The following ZDHHC8 variants were observed in gnomAD, a reference collection of about 807,000 sequenced individuals.
ZDHHC8 encodes zDHHC palmitoyltransferase 8, also known as palmitoyltransferase ZDHHC8.
In ZDHHC8, 24 loss-of-function variants were observed where a neutral mutation model predicts 61.2. The observed-to-expected ratio is 0.39, with a 90% confidence interval of 0.28 to 0.55. The LOEUF (loss-of-function observed/expected upper bound fraction) is 0.55, where lower values mean the gene tolerates loss of function less well. ZDHHC8 is among the 20% of genes least tolerant of loss of function. The probability of loss-of-function intolerance (pLI) is 0.60; values close to 1 mark genes in which losing one functional copy is unlikely to be tolerated. For synonymous variants in ZDHHC8, 523 were observed against 492.5 expected (o/e 1.06, Z -0.82); for missense variants, 935 against 1,102.1 (o/e 0.85, Z 2.15).
intron 9 of ZDHHC8, 94 bp downstream of exon 9, chr22:20,141,624 C>T (rs1602573115): frequency 1.9e-6 from 2 of 1,029,840 alleles, no homozygotes; most frequent in East Asian, 5.2e-5. Context: ...AAGGCCCCAC[C>T]TCCAGAGCCC....
chr22:20,142,938 G>A lies in ZDHHC8; in HGVS notation c.1308G>A (p.Lys436=), dbSNP rs2050483959. The A allele has an allele frequency of 6.2e-7, 1 of 1,603,610 alleles. No individual in the cohort carries two copies. Among genetic ancestry groups the A allele is most frequent in the Non-Finnish European group, 8.5e-7 (1 of 1,174,096 alleles). ...GCGCTTTGCGCTCCCTGAGCCTCAA[G>A]GCCTCGAGCCGGCGGGGCGGGGATC... ...FSGALRSLSL[K]ASSRRGGDHV... The change falls in exon 10 of 11, where the codon AAG becomes AAA. Residue 436 remains lysine, a synonymous_variant. Transcript: ENST00000334554.
chr22:20,146,554 C>T lies in ZDHHC8; in HGVS notation c.*1154C>T. The T allele has an allele frequency of 1.0e-6, 1 of 991,572 alleles. No homozygotes were observed. The highest frequency in any genetic ancestry group is 1.2e-6 in the Non-Finnish European group (1 of 834,434). 61.4% of individuals were successfully genotyped at this position (991,572 alleles called of 1,614,324 possible). On this transcript the variant is annotated 3_prime_UTR_variant, in exon 11 of 11. Transcript: ENST00000334554. Reference sequence around the variant, plus strand: ...CCCCAGAAGAGGGAGTGGCTGCTGTCTGGTGTGCAGGGGTCGGTGGGTTCC... The same window carrying T: ...CCCCAGAAGAGGGAGTGGCTGCTGTTTGGTGTGCAGGGGTCGGTGGGTTCC...
At chr22:20,139,367 G>T (rs1377509788) in intron 2 of ZDHHC8, 52 bp downstream of exon 2, 2 of 1,606,048 alleles carry the variant, frequency 1.2e-6, no homozygotes, top group Non-Finnish European at 1.7e-6. Flanking sequence ...AGTGTGAGTG[G>T]CTAACTTGAG....
At chr22:20,133,760 C>A (rs933553041) in intron 1 of ZDHHC8, among the ~76,000 whole-genome samples, 1 of 149,762 alleles carries the variant, frequency 6.7e-6, no homozygotes. Flanking sequence ...TTATGGGGAA[C>A]TTGTGAAATA....
chr22:20,146,279 G>A lies in ZDHHC8; in HGVS notation c.*879G>A. The A allele has an allele frequency of 1.0e-6, 1 of 985,582 alleles. No individual in the cohort carries two copies. The highest frequency in any genetic ancestry group is 1.2e-6 in the Non-Finnish European group (1 of 829,928). 61.1% of individuals were successfully genotyped at this position (985,582 alleles called of 1,614,324 possible). A position where few individuals can be genotyped will look rare whatever the true frequency, so the allele number is the denominator to read the frequency against. On this transcript the variant is annotated 3_prime_UTR_variant, in exon 11 of 11. Transcript: ENST00000334554. ...AAGGCATGCCACGTCCGCAGCCCCG[G>A]CCTGGCTGCGGTGCTCGCGCCGTGG... is the stretch of plus-strand genomic sequence containing the variant.
At position 20,139,478 on chromosome 22, in the gene ZDHHC8, C is replaced by T; in HGVS notation, c.227C>T (p.Ala76Val). Residue 76 changes from alanine to valine, a missense_variant and splice_region_variant, in exon 3 of 11, where the codon GCG becomes GTG. Physicochemically the swap from Ala to Val is moderately conservative, Grantham distance 64. This residue lies in a region of ZDHHC8 where 199 missense variants were observed against 334.0 expected (regional missense o/e 0.60). Coordinates refer to ENST00000334554, the MANE Select transcript of ZDHHC8 (RefSeq NM_013373.4). Reference protein sequence around the residue: ...TFMDPGVFPRADEDEDKEDDF... With the variant: ...TFMDPGVFPRVDEDEDKEDDF... Reference sequence around the variant, plus strand: ...TCACTGCCTGGCTCCTGGTCTGTAGCGGATGAGGATGAGGACAAGGAGGAC... The same window carrying T: ...TCACTGCCTGGCTCCTGGTCTGTAGTGGATGAGGATGAGGACAAGGAGGAC... 2 of 1,613,466 alleles carry T rather than the reference C, an allele frequency of 1.2e-6. No homozygotes were observed. Among genetic ancestry groups the T allele is most frequent in the South Asian group, 1.1e-5 (1 of 91,072 alleles).
rs2050445032 is a variant in ZDHHC8, at chr22:20,139,109, C to G, written c.105-85C>G. The stretch of plus-strand genomic sequence containing the variant: ...TGAGCTCTGAGGGTGACCTTGCAGG[C>G]CCAGCCTGCCGCACCACATAGCTCT... On this transcript the variant is annotated intron_variant, in intron 1 of 10. Coordinates refer to ENST00000334554, the MANE Select transcript of ZDHHC8 (RefSeq NM_013373.4). 9 of 1,523,678 alleles carry G rather than the reference C, an allele frequency of 5.9e-6. No homozygotes were observed. The Admixed American group carries it at 1.9e-4, about 31-fold the overall frequency. 94.4% of individuals were successfully genotyped at this position (1,523,678 alleles called of 1,614,324 possible).
chr22:20,140,740 G>T (rs764325258), intron 6 of ZDHHC8, 32 bp downstream of exon 6: 2 of 1,600,356 alleles, frequency 1.2e-6, no homozygotes, highest in African/African-American at 1.3e-5. Context: ...GTGGAGGGGG[G>T]CCTCTGCTGG....
rs796947716 is a variant in ZDHHC8, at chr22:20,145,097, T to C, written c.2127-132T>C. The C allele has an allele frequency of 1.5e-5, 12 of 780,802 alleles. No homozygotes were observed. In the African/African-American group the frequency reaches 2.2e-4, roughly 14 times the overall value. 48.4% of individuals were successfully genotyped at this position (780,802 alleles called of 1,614,324 possible). On this transcript the variant is annotated intron_variant, in intron 10 of 10. Transcript: ENST00000334554. ...CCCTCCAAGCCCAGAGGGCAGGGAC[T>C]GCACGGGGCCCCACAACTCGGCTGC...
rs764677173 is a variant in ZDHHC8, at chr22:20,143,277, G to A, written c.1647G>A (p.Met549Ile). ...ACGACAACCTGTCCAGGACCATCAT[G>A]GCATCCATCCAGGAGCGCAAGGACA... ...VRYDNLSRTI[M>I]ASIQERKDRE... The change falls in exon 10 of 11, where the codon ATG (methionine) becomes ATA (isoleucine). Residue 549 changes from methionine to isoleucine, a missense_variant. Physicochemically the swap from Met to Ile is conservative, Grantham distance 10. Transcript: ENST00000334554. 1.0e-5 allele frequency: 16 copies of A among 1,606,016 alleles called. No individual in the cohort carries two copies. Among genetic ancestry groups the A allele is most frequent in the Non-Finnish European group, 1.4e-5 (16 of 1,179,350 alleles).
Position 20,141,458 on chromosome 22 carries a change from A to G in ZDHHC8, c.1053A>G (p.Thr351=). 1 of 1,613,226 alleles carries G rather than the reference A, an allele frequency of 6.2e-7. No individual in the cohort carries two copies. The highest frequency in any genetic ancestry group is 8.5e-7 in the Non-Finnish European group (1 of 1,179,942). The change falls in exon 9 of 11, where the codon ACA becomes ACG. Residue 351 remains threonine (T), a synonymous_variant. Coordinates refer to ENST00000334554, the MANE Select transcript of ZDHHC8 (RefSeq NM_013373.4). ...ALSVQRTSPP[T]PAMYKFRPAF... The stretch of plus-strand genomic sequence containing the variant: ...CGGTGCAGAGGACCAGCCCCCCGAC[A>G]CCTGCCATGTACAAGTTTAGGCCGG...
At chr22:20,145,164 C>A in intron 10 of ZDHHC8, 65 bp from the exon 11 acceptor site, 2 of 1,344,094 alleles carry the variant, frequency 1.5e-6, no homozygotes, top group Non-Finnish European at 2.0e-6. Context: ...CTGCCTCCTC[C>A]GTCCTCTGTC....
In ZDHHC8 at chr22:20,131,904, G is replaced by GCCCGGCCGGCCCTT; in HGVS notation, c.-40_-39insGCCGGCCCTTCCCG. On this transcript the variant is annotated 5_prime_UTR_variant, in exon 1 of 11. Transcript: ENST00000334554. ...CCCCGGCCCGACCCCGGCCGGCCCT[G>GCCCGGCCGGCCCTT]CCCGCCCGGCCCCGGGGAGGGATGC... 5.3e-6 allele frequency: 5 copies of GCCCGGCCGGCCCTT among 939,344 alleles called. No individual in the cohort carries two copies. Among genetic ancestry groups the GCCCGGCCGGCCCTT allele is most frequent in the Non-Finnish European group, 6.4e-6 (5 of 778,452 alleles). The allele number at this position is 939,344 out of a possible 1,614,324, so 58.2% of individuals were successfully genotyped here.
At chr22:20,141,725 T>A (rs1019142062) in intron 9 of ZDHHC8, among the ~76,000 whole-genome samples, 195 bp downstream of exon 9, 3 of 152,174 alleles carry the variant, frequency 2.0e-5, no homozygotes, top group African/African-American at 7.2e-5. Context: ...GGTAGGACCC[T>A]GTCTGTGTGC....
In ZDHHC8 at chr22:20,145,601, G is replaced by A. The variant is rs1205893442; in HGVS notation, c.*201G>A. 8 of 1,240,006 alleles carry A rather than the reference G, an allele frequency of 6.5e-6. No individual in the cohort carries two copies. In the East Asian group the frequency reaches 2.8e-4, roughly 43 times the overall value. The allele number at this position is 1,240,006 out of a possible 1,614,324, so 76.8% of individuals were successfully genotyped here. ...CGTCCACTCATCTGCCCATGGGGAA[G>A]TCGGCTCACTGGGACAAGGGCCACT... is the stretch of plus-strand genomic sequence containing the variant. On this transcript the variant is annotated 3_prime_UTR_variant, in exon 11 of 11. Transcript: ENST00000334554.
intron 1 of ZDHHC8, among the ~76,000 whole-genome samples, chr22:20,138,664 A>AG (rs2050441415): frequency 6.6e-6 from 1 of 152,184 alleles, no homozygotes. Context: ...CAAACTAAAA[A>AG]GAAGGGGCTG....
chr22:20,137,068 C>T (rs2050427231), intron 1 of ZDHHC8, among the ~76,000 whole-genome samples: 1 of 152,224 alleles, frequency 6.6e-6, no homozygotes, highest in Non-Finnish European at 1.5e-5. Flanking sequence ...GGCAGCAGCT[C>T]AGGTCCCAGT....
At position 20,143,464 on chromosome 22, in the gene ZDHHC8, G is replaced by A. The variant is rs372562978; in HGVS notation, c.1834G>A (p.Ala612Thr). ...LRYGSRDDLVAGPGFGGARNP... is the reference protein window; with the variant it reads ...LRYGSRDDLVTGPGFGGARNP... ...CTATGGCTCCAGAGACGACCTTGTG[G>A]CTGGGCCCGGCTTCGGTGGCGCCCG... is the stretch of plus-strand genomic sequence containing the variant. The change falls in exon 10 of 11, where the codon GCT (alanine) becomes ACT (threonine). Residue 612 changes from alanine to threonine, a missense_variant. Transcript: ENST00000334554. 1.2e-6 allele frequency: 2 copies of A among 1,600,226 alleles called. No homozygotes were observed. The highest frequency in any genetic ancestry group is 2.7e-5 in the African/African-American group (2 of 74,920).
In ZDHHC8 at chr22:20,143,775, G is replaced by T; in HGVS notation, c.2126+19G>T. The T allele has an allele frequency of 2.5e-6, 4 of 1,592,812 alleles. No individual in the cohort carries two copies. The highest frequency in any genetic ancestry group is 3.4e-6 in the Non-Finnish European group (4 of 1,174,694). On this transcript the variant is annotated intron_variant, in intron 10 of 10. Transcript: ENST00000334554. Reference sequence around the variant, plus strand: ...TGCAGAGGTGGGTGCCGGGAGGTGCGGGTGGGCTTCCTGGCACAGGGCAGC... The same window carrying T: ...TGCAGAGGTGGGTGCCGGGAGGTGCTGGTGGGCTTCCTGGCACAGGGCAGC...
Sources: allele counts gnomAD v4.1 joint callset (sites outside exome capture counted in the v4.1 genomes callset), GRCh38; gene constraint gnomAD v4.1.1; regional missense constraint gnomAD v4.1.1; transcripts MANE v1.5; gene names NCBI Gene and HGNC (gene_info 2026-07-23, HGNC 2026-07-21).